SLC9A3: variants seen among roughly 807,000 people sequenced by gnomAD.
The protein encoded by SLC9A3 is solute carrier family 9 member A3, also known as sodium/hydrogen exchanger 3.
Under a neutral mutation model 86.8 loss-of-function variants are expected in SLC9A3, and 37 were observed. That is an observed-to-expected ratio of 0.43 (90% confidence interval 0.33 to 0.56). SLC9A3 has a LOEUF of 0.56. SLC9A3 is among the 20% of genes least tolerant of loss of function. The pLI is 0.06. For synonymous variants in SLC9A3, 581 were observed against 528.3 expected, an observed-to-expected ratio of 1.10 and a Z score of -1.37; for missense variants, 1,011 against 1,171.9, an observed-to-expected ratio of 0.86 and a Z score of 2.00.
Position 473,374 on chromosome 5 carries a change from C to T in SLC9A3, c.*5G>A, listed in dbSNP as rs1194256238. On this transcript the variant is annotated 3_prime_UTR_variant, in exon 17 of 17. Coordinates refer to ENST00000264938, the MANE Select transcript of SLC9A3 (RefSeq NM_004174.4). ...CGGCCGGTTAGCGGCGTGTCGGAGCCGGTGTCACCTGCGGGAGAGGAAGGC... is the reference window on the plus strand; with the variant it reads ...CGGCCGGTTAGCGGCGTGTCGGAGCTGGTGTCACCTGCGGGAGAGGAAGGC... 4.9e-6 allele frequency: 7 copies of T among 1,415,618 alleles called. No individual in the cohort carries two copies. In the Middle Eastern group the frequency reaches 7.5e-4, roughly 152 times the overall value. 87.7% of individuals were successfully genotyped at this position (1,415,618 alleles called of 1,614,324 possible). A position where few individuals can be genotyped will look rare whatever the true frequency, so the allele number is the denominator to read the frequency against.
intron 1 of SLC9A3, among the ~76,000 whole-genome samples, chr5:492,547 G>A (rs1739828833): frequency 6.6e-6 from 1 of 152,112 alleles, no homozygotes; most frequent in Non-Finnish European, 1.5e-5. Flanking sequence ...GAGCCCAAGA[G>A]GGCTGGGAAC....
chr5:521,460 TGAA>T (rs1029434348), intron 1 of SLC9A3, among the ~76,000 whole-genome samples: 1 of 152,238 alleles, frequency 6.6e-6, no homozygotes, highest in African/African-American at 2.4e-5. Context: ...ACAAATGGCT[TGAA>T]GAAGGCTGGG....
chr5:508,169 A>G (rs1007613713), intron 1 of SLC9A3, among the ~76,000 whole-genome samples: 5 of 151,804 alleles, frequency 3.3e-5, no homozygotes, highest in African/African-American at 1.2e-4. Context: ...CGCGCCCGGG[A>G]TGGAGATGCC....
intron 14 of SLC9A3, 107 bp downstream of exon 14, chr5:475,913 G>T: frequency 2.0e-6 from 2 of 1,000,994 alleles, no homozygotes; most frequent in Non-Finnish European, 2.9e-6. Context: ...TGGCTGGAGG[G>T]TCCCCAGAGG....
At chr5:482,790 C>T (rs765520259) in intron 6 of SLC9A3, 40 bp from the exon 7 acceptor site, 11 of 1,517,098 alleles carry the variant, frequency 7.3e-6, no homozygotes, top group Non-Finnish European at 9.0e-6. Flanking sequence ...CCCGGCCGCC[C>T]TCCCAGCCGC....
At chr5:493,192 G>A (rs1168872434) in intron 1 of SLC9A3, among the ~76,000 whole-genome samples, 3 of 152,130 alleles carry the variant, frequency 2.0e-5, no homozygotes, top group African/African-American at 7.2e-5. Flanking sequence ...CAAATGAGGT[G>A]CGTCCTCCGG....
In SLC9A3 at chr5:472,677, AC is replaced by A. The variant is rs372563604; in HGVS notation, c.*701del. 636 of 506,902 alleles carry A rather than the reference AC, an allele frequency of 1.3e-3. 28 individuals carry two copies. In the East Asian group the frequency reaches 0.013, roughly 10 times the overall value. 31.4% of individuals were successfully genotyped at this position (506,902 alleles called of 1,614,324 possible). A position where few individuals can be genotyped will look rare whatever the true frequency, so the allele number is the denominator to read the frequency against. Reference sequence around the variant, plus strand: ...AGACGGAAGACGTTCCTGCCACTTTACCTGCAGTTCAAAGACCTGGCGAGGG... The same window carrying A: ...AGACGGAAGACGTTCCTGCCACTTTACTGCAGTTCAAAGACCTGGCGAGGG... On this transcript the variant is annotated 3_prime_UTR_variant, in exon 17 of 17. Coordinates refer to ENST00000264938, the MANE Select transcript of SLC9A3 (RefSeq NM_004174.4).
chr5:476,798 TGGGCACCCGGCTG>T, intron 11 of SLC9A3, 126 bp from the exon 12 acceptor site: 1 of 1,136,576 alleles, frequency 8.8e-7, no homozygotes, highest in Admixed American at 2.1e-5. Context: ...CTTCCCATGG[TGGGCACCCGGCTG>T]GGGCACGGGG....
chr5:481,815 A>C (rs1191279947), intron 8 of SLC9A3, among the ~76,000 whole-genome samples, 180 bp from the exon 9 acceptor site: 2 of 18,986 alleles, frequency 1.1e-4, no homozygotes, highest in Admixed American at 7.8e-4. Flanking sequence ...GCCCTCCGCC[A>C]CCCCCCAAGC....
intron 1 of SLC9A3, among the ~76,000 whole-genome samples, chr5:503,435 G>T (rs1325744414): frequency 6.6e-6 from 1 of 152,162 alleles, no homozygotes; most frequent in East Asian, 1.9e-4. Context: ...CTACTCAGGG[G>T]GCTGAGGCCA....
intron 3 of SLC9A3, among the ~76,000 whole-genome samples, chr5:486,832 C>A (rs1739494739): frequency 6.6e-6 from 1 of 152,090 alleles, no homozygotes; most frequent in East Asian, 1.9e-4. Context: ...GGACCGGGGT[C>A]CCGCAGGAGC....
intron 1 of SLC9A3, among the ~76,000 whole-genome samples, chr5:513,771 G>A (rs1162143370): frequency 6.6e-6 from 1 of 152,240 alleles, no homozygotes; most frequent in Non-Finnish European, 1.5e-5. Context: ...GTAAGAATGA[G>A]GAAGTAGTTC....
chr5:473,309 A>G lies in SLC9A3; in HGVS notation c.*70T>C. ...CGGGGATCTGGGGTTTCTCTGGGAC[A>G]GCGGCGGCGGCGGTGGGCGGACCGT... On this transcript the variant is annotated 3_prime_UTR_variant, in exon 17 of 17. Coordinates refer to ENST00000264938, the MANE Select transcript of SLC9A3 (RefSeq NM_004174.4). 1 of 1,369,406 alleles carries G rather than the reference A, an allele frequency of 7.3e-7. No individual in the cohort carries two copies. Among genetic ancestry groups the G allele is most frequent in the Non-Finnish European group, 9.5e-7 (1 of 1,056,964 alleles). 84.8% of individuals were successfully genotyped at this position (1,369,406 alleles called of 1,614,324 possible).
intron 2 of SLC9A3, among the ~76,000 whole-genome samples, chr5:490,865 C>T (rs888482478): frequency 2.6e-5 from 4 of 152,158 alleles, no homozygotes; most frequent in Non-Finnish European, 4.4e-5. Flanking sequence ...TGATGCTGGA[C>T]GGCAGGGACT....
intron 1 of SLC9A3, among the ~76,000 whole-genome samples, chr5:502,924 T>C (rs36131978): frequency 5.7e-3 from 721 of 127,380 alleles, no homozygotes; most frequent in Admixed American, 8.4e-3. Flanking sequence ...ACGACACAGA[T>C]GGGCGCTGTG....
intron 1 of SLC9A3, among the ~76,000 whole-genome samples, chr5:512,681 C>T (rs927349153): frequency 1.3e-5 from 2 of 152,108 alleles, no homozygotes; most frequent in African/African-American, 4.8e-5. Context: ...TAAGTCTATT[C>T]GTTTTCTAAG....
At chr5:518,802 G>T (rs1318970670) in intron 1 of SLC9A3, among the ~76,000 whole-genome samples, 3 of 152,134 alleles carry the variant, frequency 2.0e-5, no homozygotes, top group Non-Finnish European at 4.4e-5. Flanking sequence ...CGCCACACAC[G>T]CCCAGAGGCG....
chr5:512,023 A>G (rs1034141821), intron 1 of SLC9A3, among the ~76,000 whole-genome samples: 4 of 152,246 alleles, frequency 2.6e-5, no homozygotes, highest in South Asian at 2.1e-4. Context: ...GCTGCACGCT[A>G]TAGGTTTCTA....
chr5:522,060 AG>A (rs762365538), intron 1 of SLC9A3, among the ~76,000 whole-genome samples: 1 of 152,042 alleles, frequency 6.6e-6, no homozygotes, highest in Non-Finnish European at 1.5e-5. Context: ...AGGTCTGGAG[AG>A]GGTCTGCGCC....
Sources: allele counts gnomAD v4.1 joint callset (sites outside exome capture counted in the v4.1 genomes callset), GRCh38; gene constraint gnomAD v4.1.1; transcripts MANE v1.5; gene names NCBI Gene and HGNC (gene_info 2026-07-23, HGNC 2026-07-21).